GRIK2: variants seen among roughly 807,000 people sequenced by gnomAD.
GRIK2 encodes glutamate receptor ionotropic, kainate 2.
Under a neutral mutation model 100.3 loss-of-function variants are expected in GRIK2, and 32 were observed. That is an observed-to-expected ratio of 0.32 (90% confidence interval 0.24 to 0.43). The LOEUF (loss-of-function observed/expected upper bound fraction) is 0.43, where lower values mean the gene tolerates loss of function less well. Among genes scored for constraint, GRIK2 ranks in the 20% least tolerant of loss-of-function variants. The pLI, the probability that GRIK2 is intolerant of heterozygous loss-of-function variation, is 1.00. For synonymous variants in GRIK2, 417 were observed against 389.4 expected (o/e 1.07, Z -0.83); for missense variants, 843 against 1,114.9 (o/e 0.76, Z 3.47).
chr6:101,642,337 T>C (rs944311038), intron 4 of GRIK2, among the ~76,000 whole-genome samples: 3 of 151,778 alleles, frequency 2.0e-5, no homozygotes, highest in African/African-American at 7.2e-5. Context: ...GCAACCAATC[T>C]CCAGAACTTT....
chr6:101,901,290 G>GA (rs1050345927), intron 12 of GRIK2, among the ~76,000 whole-genome samples: 5 of 151,246 alleles, frequency 3.3e-5, no homozygotes, highest in African/African-American at 7.3e-5. Flanking sequence ...GGGTGTTTTA[G>GA]AAAAAAAATG....
At chr6:101,918,890 G>A (rs1789313143) in intron 12 of GRIK2, among the ~76,000 whole-genome samples, 1 of 151,716 alleles carries the variant, frequency 6.6e-6, no homozygotes, top group Admixed American at 6.6e-5. Flanking sequence ...GCAAAAGACA[G>A]TAGGTGATAA....
At chr6:101,766,428 A>G (rs1373636874) in intron 7 of GRIK2, among the ~76,000 whole-genome samples, 2 of 152,168 alleles carry the variant, frequency 1.3e-5, no homozygotes, top group East Asian at 1.9e-4. Flanking sequence ...GCATTAAAGT[A>G]ATGTTTGATA....
Position 101,697,304 on chromosome 6 carries a change from G to T in GRIK2, c.951+10951G>T, listed in dbSNP as rs1038328574. Among the ~76,000 whole-genome samples, 30 of 151,368 alleles carry T rather than the reference G, an allele frequency of 2.0e-4. 1 individual carries two copies. Among genetic ancestry groups the T allele is most frequent in the Admixed American group, 9.2e-4 (14 of 15,146 alleles). ...ATTTCAGCATTAATTATCATCTGTT[G>T]TATGCAAAATCACTGTAGTAGATAC... On this transcript the variant is annotated intron_variant, in intron 7 of 16. Transcript: ENST00000369134.
At chr6:101,540,407 T>G (rs549885502) in intron 2 of GRIK2, among the ~76,000 whole-genome samples, 1 of 152,048 alleles carries the variant, frequency 6.6e-6, no homozygotes, top group African/African-American at 2.4e-5. Flanking sequence ...ATTTGGACTG[T>G]TTGTAACACA....
At chr6:101,530,585 C>G (rs1474451438) in intron 2 of GRIK2, among the ~76,000 whole-genome samples, 2 of 151,736 alleles carry the variant, frequency 1.3e-5, no homozygotes, top group Non-Finnish European at 2.9e-5. Flanking sequence ...CCTGGAAAAC[C>G]TTGAAGAATA....
chr6:101,793,693 C>A (rs947839072), intron 7 of GRIK2, among the ~76,000 whole-genome samples: 1 of 152,308 alleles, frequency 6.6e-6, no homozygotes, highest in South Asian at 2.1e-4. Flanking sequence ...TCTGCCCGTT[C>A]TCAGATCTCC....
At chr6:102,025,077 T>G (rs1389775959) in intron 14 of GRIK2, among the ~76,000 whole-genome samples, 1 of 151,292 alleles carries the variant, frequency 6.6e-6, no homozygotes, top group Non-Finnish European at 1.5e-5. Context: ...TCTAGAGAGA[T>G]AAACTTACTC....
chr6:101,446,722 C>T (rs1465726836), intron 2 of GRIK2, among the ~76,000 whole-genome samples: 1 of 151,350 alleles, frequency 6.6e-6, no homozygotes, highest in Non-Finnish European at 1.5e-5. Context: ...TTCAATATTG[C>T]CTTTAAAAAT....
intron 2 of GRIK2, among the ~76,000 whole-genome samples, chr6:101,573,325 T>C (rs1777644784): frequency 6.6e-6 from 1 of 152,138 alleles, no homozygotes; most frequent in Non-Finnish European, 1.5e-5. Context: ...TTGGTTAGAC[T>C]ACTGGTCATA....
At chr6:101,637,033 A>C (rs1175625383) in intron 4 of GRIK2, among the ~76,000 whole-genome samples, 2 of 152,092 alleles carry the variant, frequency 1.3e-5, no homozygotes, top group Admixed American at 1.3e-4. Context: ...TGGCTTCTGC[A>C]CTGTCATTCT....
intron 9 of GRIK2, among the ~76,000 whole-genome samples, chr6:101,815,874 T>G (rs1399093306): frequency 6.6e-6 from 1 of 152,130 alleles, no homozygotes; most frequent in Non-Finnish European, 1.5e-5. Flanking sequence ...AATATTACGC[T>G]AAGAAAGCTG....
intron 7 of GRIK2, among the ~76,000 whole-genome samples, chr6:101,768,107 T>C (rs56354431): frequency 0.06 from 9,061 of 152,092 alleles, 715 homozygotes; most frequent in African/African-American, 0.18. Flanking sequence ...GATCTACCCA[T>C]CTTGGCCTCC....
At chr6:101,976,849 G>GT (rs2128487873) in intron 14 of GRIK2, among the ~76,000 whole-genome samples, 1 of 151,812 alleles carries the variant, frequency 6.6e-6, no homozygotes, top group Admixed American at 6.6e-5. Flanking sequence ...AAATAGATAA[G>GT]TAAGAGGACA....
intron 12 of GRIK2, among the ~76,000 whole-genome samples, chr6:101,924,002 A>G (rs1432868544): frequency 6.6e-6 from 1 of 151,014 alleles, no homozygotes; most frequent in African/African-American, 2.4e-5. Context: ...TCTGAAACCT[A>G]TAATAATGTC....
intron 9 of GRIK2, among the ~76,000 whole-genome samples, chr6:101,808,605 A>G (rs530317344): frequency 1.3e-5 from 2 of 152,096 alleles, no homozygotes; most frequent in East Asian, 3.9e-4. Context: ...TTCTAGCATC[A>G]AATTTTGCCA....
intron 7 of GRIK2, among the ~76,000 whole-genome samples, chr6:101,781,137 C>T (rs905811804): frequency 1.1e-4 from 16 of 151,692 alleles, no homozygotes; most frequent in Admixed American, 3.3e-4. Flanking sequence ...TTATCTTTTT[C>T]TAGGCATTGT....
At chr6:101,950,954 G>T (rs1039774784) in intron 14 of GRIK2, among the ~76,000 whole-genome samples, 7 of 152,120 alleles carry the variant, frequency 4.6e-5, no homozygotes, top group African/African-American at 1.4e-4. Flanking sequence ...GCAAGGGCGG[G>T]CCATAGATTT....
At chr6:101,764,406 T>C (rs567451274) in intron 7 of GRIK2, among the ~76,000 whole-genome samples, 2 of 152,062 alleles carry the variant, frequency 1.3e-5, no homozygotes, top group Non-Finnish European at 2.9e-5. Context: ...GATTATGTTT[T>C]AGAAGAGGGA....
Sources: allele counts gnomAD v4.1 joint callset (sites outside exome capture counted in the v4.1 genomes callset), GRCh38; gene constraint gnomAD v4.1.1; transcripts MANE v1.5; gene names NCBI Gene and HGNC (gene_info 2026-07-23, HGNC 2026-07-21).